The following USP18 variants were observed in gnomAD, a reference collection of about 807,000 sequenced individuals.
The protein encoded by USP18 is ubiquitin specific peptidase 18, also known as ubl carboxyl-terminal hydrolase 18.
In USP18, 11 loss-of-function variants were observed where a neutral mutation model predicts 48.7. That is an observed-to-expected ratio of 0.23 (90% CI 0.14 to 0.37). The LOEUF is 0.37. Among genes scored for constraint, USP18 ranks in the 10% least tolerant of loss-of-function variants. The pLI is 1.00. For missense variants in USP18, 285 were observed against 436.4 expected (o/e 0.65, Z 3.09); for synonymous variants, 114 against 163.2 (o/e 0.70, Z 2.30).
intron 1 of USP18, among the ~76,000 whole-genome samples, chr22:18,157,001 T>C (rs989213205): frequency 2.0e-5 from 3 of 152,050 alleles, no homozygotes; most frequent in Non-Finnish European, 2.9e-5. Context: ...GCTGAGACAA[T>C]ATTGAGTCAC....
intron 8 of USP18, 140 bp from the exon 9 acceptor site, chr22:18,173,010 G>T: frequency 6.8e-7 from 1 of 1,474,884 alleles, no homozygotes; most frequent in South Asian, 1.4e-5. Flanking sequence ...CCTCCTGGAG[G>T]GTGCCCACTG....
intron 1 of USP18, 116 bp from the exon 2 acceptor site, chr22:18,157,442 C>T: frequency 1.8e-6 from 1 of 563,816 alleles, no homozygotes; most frequent in South Asian, 2.1e-5. Flanking sequence ...CTCTATGAGT[C>T]AGTCTCCCCA....
intron 1 of USP18, among the ~76,000 whole-genome samples, chr22:18,156,787 C>T (rs1252771957): frequency 2.0e-5 from 3 of 152,238 alleles, no homozygotes; most frequent in Admixed American, 6.5e-5. Context: ...GACATGCCCC[C>T]TTTAAGAACT....
At chr22:18,174,826 G>A (rs1929738893) in intron 10 of USP18, among the ~76,000 whole-genome samples, 1 of 152,164 alleles carries the variant, frequency 6.6e-6, no homozygotes, top group Admixed American at 6.5e-5. Flanking sequence ...AAACTGCTGG[G>A]CTCAAGCCAT....
In USP18 at chr22:18,175,740, C is replaced by T. The variant is rs1178532307; in HGVS notation, c.1074-1032C>T. On this transcript the variant is annotated intron_variant, in intron 10 of 10. Coordinates refer to ENST00000215794, the MANE Select transcript of USP18 (RefSeq NM_017414.4). ...CTTTAATCCCGGCAATTTGGGAGGC[C>T]GAGGCAGGAGGATCACTTCAAGCCA... Among the ~76,000 whole-genome samples, 43 of 147,416 alleles carry T rather than the reference C, an allele frequency of 2.9e-4. 1 individual carries two copies. The highest frequency in any genetic ancestry group is 9.3e-4 in the Admixed American group (14 of 15,058).
chr22:18,156,772 C>T (rs1929158205), intron 1 of USP18, among the ~76,000 whole-genome samples: 2 of 152,230 alleles, frequency 1.3e-5, no homozygotes, highest in Admixed American at 6.5e-5. Flanking sequence ...AAGGAATAAA[C>T]TGCGGACATG....
intron 1 of USP18, among the ~76,000 whole-genome samples, chr22:18,156,786 C>T (rs1204745838): frequency 2.0e-5 from 3 of 152,242 alleles, no homozygotes; most frequent in East Asian, 3.8e-4. Context: ...GGACATGCCC[C>T]CTTTAAGAAC....
intron 1 of USP18, among the ~76,000 whole-genome samples, chr22:18,156,584 C>G (rs1013285027): frequency 6.6e-6 from 1 of 152,142 alleles, no homozygotes; most frequent in African/African-American, 2.4e-5. Context: ...CCGTGAAGGT[C>G]CGCAGCTTCG....
chr22:18,174,135 T>C (rs1040975964), intron 10 of USP18, among the ~76,000 whole-genome samples: 5 of 152,090 alleles, frequency 3.3e-5, no homozygotes, highest in African/African-American at 1.2e-4. Flanking sequence ...TCCCCACTCA[T>C]GTTTTCATAC....
chr22:18,161,259 A>G (rs1929325818), intron 3 of USP18, among the ~76,000 whole-genome samples: 2 of 139,666 alleles, frequency 1.4e-5, no homozygotes, highest in Non-Finnish European at 3.1e-5. Context: ...GTCTCTCTCT[A>G]TCACTCCTTT....
intron 7 of USP18, 29 bp downstream of exon 7, chr22:18,169,968 G>A (rs1929584676): frequency 6.4e-7 from 1 of 1,554,402 alleles, no homozygotes; most frequent in East Asian, 2.4e-5. Context: ...AGACTCAGCT[G>A]TCCCTCGGTG....
At chr22:18,153,120 C>A (rs892872121) in intron 1 of USP18, among the ~76,000 whole-genome samples, 2 of 152,140 alleles carry the variant, frequency 1.3e-5, no homozygotes, top group African/African-American at 4.8e-5. Context: ...TCTGAGCCAT[C>A]CAACATGAAT....
intron 5 of USP18, 69 bp downstream of exon 5, chr22:18,167,403 C>T: frequency 6.3e-7 from 1 of 1,576,142 alleles, no homozygotes; most frequent in Non-Finnish European, 8.7e-7. Flanking sequence ...AGCTGTTGTT[C>T]CCGTAGTGTG....
chr22:18,171,692 G>A (rs934479904), intron 8 of USP18, among the ~76,000 whole-genome samples: 11 of 151,738 alleles, frequency 7.2e-5, no homozygotes, highest in Non-Finnish European at 1.5e-4. Flanking sequence ...CCATAGATTT[G>A]AAATGCTACA....
chr22:18,157,043 A>G (rs1379627061), intron 1 of USP18, among the ~76,000 whole-genome samples: 1 of 152,228 alleles, frequency 6.6e-6, no homozygotes, highest in Non-Finnish European at 1.5e-5. Flanking sequence ...AGACCAGCCC[A>G]GCACCAGGAT....
At chr22:18,168,518 C>T (rs563528066) in intron 6 of USP18, among the ~76,000 whole-genome samples, 50 of 152,094 alleles carry the variant, frequency 3.3e-4, no homozygotes, top group Non-Finnish European at 7.1e-4. Flanking sequence ...GCCTCAGCCT[C>T]CCAAGTAGCT....
chr22:18,151,728 C>A (rs774550974), intron 1 of USP18, among the ~76,000 whole-genome samples: 3 of 151,892 alleles, frequency 2.0e-5, no homozygotes, highest in African/African-American at 7.3e-5. Context: ...TGTTGTAATC[C>A]GTGTGTTCTA....
chr22:18,163,088 T>C (rs957719456), intron 4 of USP18, among the ~76,000 whole-genome samples: 1 of 152,002 alleles, frequency 6.6e-6, no homozygotes, highest in Non-Finnish European at 1.5e-5. Flanking sequence ...TTGCAGTTAT[T>C]GTATTCTTCA....
At position 18,159,953 on chromosome 22, in the gene USP18, A is replaced by G. The variant is rs552227998; in HGVS notation, c.158-219A>G. The stretch of plus-strand genomic sequence containing the variant: ...CGGCCTCCCAAAGTACTGGGATTAC[A>G]GGCGTGAGCCACCGCACCCGGCTGA... On this transcript the variant is annotated intron_variant, in intron 2 of 10. Transcript: ENST00000215794. Among the ~76,000 whole-genome samples the G allele has an allele frequency of 1.8e-4, 28 of 152,250 alleles. No individual in the cohort carries two copies. The South Asian group carries it at 3.9e-3, about 21-fold the overall frequency.
Sources: gnomAD v4.1 joint callset for allele counts (sites outside exome capture counted in the v4.1 genomes callset) on GRCh38, gnomAD v4.1.1 for gene constraint, MANE v1.5 for transcripts, NCBI Gene and HGNC (gene_info 2026-07-23, HGNC 2026-07-21) for gene names.